Variants in TRIM66 observed in about 807,000 individuals in gnomAD.
TRIM66 encodes the protein tripartite motif-containing protein 66.
In TRIM66, 99 loss-of-function variants were observed where a neutral mutation model predicts 148.2. That is an observed-to-expected ratio of 0.67 (90% CI 0.57 to 0.79). The LOEUF is 0.79. Ranked by LOEUF, TRIM66 falls within the 30% of genes least tolerant of loss-of-function variation. The probability of loss-of-function intolerance (pLI) is 0.00; values close to 1 mark genes in which losing one functional copy is unlikely to be tolerated. For missense variants in TRIM66, 1,666 were observed against 1,697.9 expected, an observed-to-expected ratio of 0.98 and a Z score of 0.33; for synonymous variants, 616 against 635.9, an observed-to-expected ratio of 0.97 and a Z score of 0.47.
rs891440409 is a variant in TRIM66, at chr11:8,618,779, T to A, written c.4090A>T (p.Ile1364Phe). Residue 1364 changes from isoleucine to phenylalanine, a missense_variant, in exon 24 of 25, where the codon ATC becomes TTC. Transcript: ENST00000646038. ...TGTCGTCGCCGCCTCTTGGGTTGGA[T>A]GCCCTCCTGCATGTAGGGAGGCCAC... ...FPWPPYMQEG[I>F]QPKRRRRHME... 6.4e-7 allele frequency: 1 copy of A among 1,550,952 alleles called. No homozygotes were observed. Among genetic ancestry groups the A allele is most frequent in the African/African-American group, 1.4e-5 (1 of 73,070 alleles).
At chr11:8,648,274 G>C in intron 9 of TRIM66, 142 bp downstream of exon 9, 10 of 1,347,300 alleles carry the variant, frequency 7.4e-6, no homozygotes, top group Middle Eastern at 2.6e-4. Context: ...CCTACAACAG[G>C]AGCAGAGAAA....
intron 4 of TRIM66, among the ~76,000 whole-genome samples, chr11:8,672,881 T>C (rs1188022511): frequency 1.3e-5 from 2 of 151,458 alleles, no homozygotes; most frequent in African/African-American, 4.9e-5. Context: ...TCTGCCTGCC[T>C]TGGCCTCCCA....
rs1302315935 is a variant in TRIM66, at chr11:8,613,407, G to A, written c.*4537C>T. 6.6e-6 allele frequency: 1 copy of A among 152,208 alleles called. No individual in the cohort carries two copies. Among genetic ancestry groups the A allele is most frequent in the Non-Finnish European group, 1.5e-5 (1 of 68,058 alleles). The allele number at this position is 152,208 out of a possible 1,614,324, so 9.4% of individuals were successfully genotyped here. A position where few individuals can be genotyped will look rare whatever the true frequency, so the allele number is the denominator to read the frequency against. ...AGGTCAAGACAGCTGAGCACTGAAA[G>A]GTATTCATTCTATTTGGCAACTGGG... On this transcript the variant is annotated 3_prime_UTR_variant, in exon 25 of 25. Transcript: ENST00000646038.
upstream of TRIM66, chr11:8,682,859 A>C (rs752372662): frequency 6.3e-7 from 1 of 1,596,728 alleles, no homozygotes; most frequent in South Asian, 1.1e-5. Context: ...GCCGGCGGAG[A>C]CCCCTAAGCT....
At chr11:8,629,244 A>G (rs2035161439) in intron 15 of TRIM66, among the ~76,000 whole-genome samples, 1 of 152,224 alleles carries the variant, frequency 6.6e-6, no homozygotes, top group African/African-American at 2.4e-5. Flanking sequence ...ATCTATGAAC[A>G]AGAACACCCA....
At chr11:8,646,026 T>C in intron 11 of TRIM66, 139 bp from the exon 12 acceptor site, 2 of 807,144 alleles carry the variant, frequency 2.5e-6, no homozygotes, top group African/African-American at 1.7e-5. Flanking sequence ...GGGCAGAGTG[T>C]TGCCATGGGA....
intron 1 of TRIM66, among the ~76,000 whole-genome samples, chr11:8,682,087 T>A (rs1430782130): frequency 1.3e-5 from 2 of 152,072 alleles, no homozygotes; most frequent in African/African-American, 4.8e-5. Flanking sequence ...GAAAAAGTAT[T>A]TACAACATCT....
chr11:8,682,682 A>G, upstream of TRIM66: 3 of 1,045,042 alleles, frequency 2.9e-6, no homozygotes, highest in Non-Finnish European at 4.5e-6. Flanking sequence ...CAGGCGCGCA[A>G]TCCCGCGAGA....
rs931564224 is a variant in TRIM66 at position 8,639,456 on chromosome 11, C to T, written c.2149-641G>A. On this transcript the variant is annotated intron_variant, in intron 14 of 24. Coordinates refer to ENST00000646038, the MANE Select transcript of TRIM66 (RefSeq NM_001388022.1). ...AGGGGTACAAACTGCACCTCTTCAA[C>T]TGTTTCAACTGTCTTTTAGCTGAGA... 2.6e-5 allele frequency among the ~76,000 whole-genome samples: 4 copies of T among 152,168 alleles called. No individual in the cohort carries two copies. The East Asian group carries it at 7.7e-4, about 29-fold the overall frequency.
Position 8,645,809 on chromosome 11 carries a change from C to T in TRIM66, c.1036G>A (p.Val346Met). 1.3e-6 allele frequency: 2 copies of T among 1,551,786 alleles called. No individual in the cohort carries two copies. The highest frequency in any genetic ancestry group is 1.2e-5 in the South Asian group (1 of 84,060). ...IMVLNRQFEH[V>M]QNFINWAVCS... ...ACAGCCCAGTTGATGAAATTCTGCA[C>T]ATGCTCAAACTGACGGTTGAGAACC... The change falls in exon 12 of 25, where the codon GTG becomes ATG. Residue 346 changes from valine to methionine, a missense_variant. By Grantham distance (21) the Val-to-Met change is conservative. This residue lies in a region of TRIM66 where 1,431 missense variants were observed against 1,412.4 expected (regional missense o/e 1.01). Coordinates refer to ENST00000646038, the MANE Select transcript of TRIM66 (RefSeq NM_001388022.1).
At chr11:8,649,114 G>A (rs1435688230) in intron 8 of TRIM66, among the ~76,000 whole-genome samples, 7 of 152,214 alleles carry the variant, frequency 4.6e-5, no homozygotes, top group Non-Finnish European at 5.9e-5. Flanking sequence ...CAAGGTGGGC[G>A]GATCACCTGA....
Position 8,621,170 on chromosome 11 carries a change from T to G in TRIM66, c.3407A>C (p.Lys1136Thr), listed in dbSNP as rs1238502348. The G allele has an allele frequency of 7.1e-6, 11 of 1,551,586 alleles. No homozygotes were observed. The highest frequency in any genetic ancestry group is 3.9e-5 in the Admixed American group (2 of 50,994). Residue 1136 changes from lysine (K) to threonine (T), a missense_variant, in exon 20 of 25, where the codon AAG becomes ACG. Physicochemically the swap from Lys to Thr is moderately conservative, Grantham distance 78. Coordinates refer to ENST00000646038, the MANE Select transcript of TRIM66 (RefSeq NM_001388022.1). ...CTCTATTGGGGCTGGGGGGCCCTTC[T>G]TGGCTCCTGGGGTTCGAGGAATGAG... Reference protein sequence around the residue: ...HRLIPRTPGAKKGPPAPIENE... With the variant: ...HRLIPRTPGATKGPPAPIENE...
At chr11:8,626,612 C>T (rs1322445171) in intron 15 of TRIM66, among the ~76,000 whole-genome samples, 1 of 152,146 alleles carries the variant, frequency 6.6e-6, no homozygotes, top group African/African-American at 2.4e-5. Context: ...CTAATGGTGC[C>T]CTAGCCTAAC....
chr11:8,672,165 G>A lies in TRIM66; in HGVS notation c.28-67C>T, dbSNP rs909212779. On this transcript the variant is annotated intron_variant, in intron 5 of 24. Coordinates refer to ENST00000646038, the MANE Select transcript of TRIM66 (RefSeq NM_001388022.1). ...GCAGAAAAAAATCTTAGGCCAGAGG[G>A]GCCTTCGAGAACAAGGCCTCAAAAG... The A allele has an allele frequency of 3.3e-6, 5 of 1,530,990 alleles. No homozygotes were observed. The African/African-American group carries it at 6.9e-5, about 21-fold the overall frequency. 94.8% of individuals were successfully genotyped at this position (1,530,990 alleles called of 1,614,324 possible). A position where few individuals can be genotyped will look rare whatever the true frequency, so the allele number is the denominator to read the frequency against.
At chr11:8,622,970 T>C in intron 17 of TRIM66, 94 bp from the exon 18 acceptor site, 6 of 1,115,566 alleles carry the variant, frequency 5.4e-6, no homozygotes, top group Non-Finnish European at 8.0e-6. Context: ...ATTCATACCT[T>C]TGGCCACACA....
intron 6 of TRIM66, among the ~76,000 whole-genome samples, chr11:8,653,183 T>C (rs1337169925): frequency 2.0e-5 from 3 of 152,194 alleles, no homozygotes; most frequent in Non-Finnish European, 4.4e-5. Flanking sequence ...TTCCCCTCCC[T>C]GCATCCATAC....
At chr11:8,648,274 G>A (rs1282714409) in intron 9 of TRIM66, 142 bp downstream of exon 9, 1 of 1,347,300 alleles carries the variant, frequency 7.4e-7, no homozygotes, top group Non-Finnish European at 1.0e-6. Context: ...CCTACAACAG[G>A]AGCAGAGAAA....
At chr11:8,652,464 G>A (rs1173604787) in intron 6 of TRIM66, among the ~76,000 whole-genome samples, 1 of 152,152 alleles carries the variant, frequency 6.6e-6, no homozygotes, top group Non-Finnish European at 1.5e-5. Flanking sequence ...GTCTGCCTCT[G>A]AGGCTCAGAG....
At position 8,618,862 on chromosome 11, in the gene TRIM66, TC is replaced by T; in HGVS notation, c.4006del (p.Asp1336ThrfsTer92). 1 of 1,551,330 alleles carries T rather than the reference TC, an allele frequency of 6.4e-7. No homozygotes were observed. The highest frequency in any genetic ancestry group is 2.4e-5 in the East Asian group (1 of 40,902). On this transcript the variant is annotated frameshift_variant, in exon 24 of 25. Coordinates refer to ENST00000646038, the MANE Select transcript of TRIM66 (RefSeq NM_001388022.1). LOFTEE classifies it high-confidence loss of function. The part of the protein sequence containing the change: ...EKRFAQPRQE[D>X]SDSEEVSSES... ...ACTAGACACCTCCTCGGAGTCTGAGTCCTCCTGCCTTGGCTGGGCAAACCGT... is the reference window on the plus strand; with the variant it reads ...ACTAGACACCTCCTCGGAGTCTGAGTCTCCTGCCTTGGCTGGGCAAACCGT...
Sources: allele counts gnomAD v4.1 joint callset (sites outside exome capture counted in the v4.1 genomes callset), GRCh38; gene constraint gnomAD v4.1.1; regional missense constraint gnomAD v4.1.1; transcripts MANE v1.5; gene names NCBI Gene and HGNC (gene_info 2026-07-23, HGNC 2026-07-21).